Variants in CNTNAP2 observed in about 807,000 individuals in gnomAD.
The protein encoded by CNTNAP2 is contactin associated protein 2.
Under a neutral mutation model 155.2 loss-of-function variants are expected in CNTNAP2, and 98 were observed. The ratio of observed to expected loss-of-function variants is 0.63; its 90% CI spans 0.54 to 0.75. The LOEUF (loss-of-function observed/expected upper bound fraction) is 0.75, where lower values mean the gene tolerates loss of function less well. Ranked by LOEUF, CNTNAP2 falls within the 30% of genes least tolerant of loss-of-function variation. The pLI is 0.00. For synonymous variants in CNTNAP2, 651 were observed against 631.2 expected (o/e 1.03, Z -0.47); for missense variants, 1,727 against 1,688.1 (o/e 1.02, Z -0.40).
chr7:147,978,038 T>C, intron 15 of CNTNAP2, 49 bp downstream of exon 15: 9 of 1,611,050 alleles, frequency 5.6e-6, no homozygotes, highest in African/African-American at 1.3e-5. Context: ...CCCATTTAAA[T>C]ATTGTTTCCA....
intron 1 of CNTNAP2, among the ~76,000 whole-genome samples, chr7:146,680,528 C>G (rs1800483547): frequency 6.6e-6 from 1 of 152,134 alleles, no homozygotes; most frequent in Non-Finnish European, 1.5e-5. Context: ...TTGCCTCATT[C>G]TCTCCTTATT....
At chr7:146,833,800 C>T (rs532376349) in intron 2 of CNTNAP2, among the ~76,000 whole-genome samples, 592 of 152,278 alleles carry the variant, frequency 3.9e-3, no homozygotes, top group Non-Finnish European at 6.8e-3. Flanking sequence ...TCCCCAGATC[C>T]GGACTCTGTC....
intron 2 of CNTNAP2, among the ~76,000 whole-genome samples, chr7:146,800,210 T>C (rs1802849437): frequency 1.3e-5 from 2 of 152,100 alleles, no homozygotes. Context: ...AAAGGGACTT[T>C]TTTACTGAAG....
At chr7:147,167,499 C>A in intron 8 of CNTNAP2, 1 of 878,796 alleles carries the variant, frequency 1.1e-6, no homozygotes, top group Non-Finnish European at 1.8e-6. Context: ...TGCCATGGAC[C>A]CAGCTTTGAC....
intron 1 of CNTNAP2, among the ~76,000 whole-genome samples, chr7:146,143,450 G>A (rs986566861): frequency 2.0e-5 from 3 of 151,954 alleles, no homozygotes; most frequent in African/African-American, 7.2e-5. Flanking sequence ...AAATTACGCT[G>A]TCTCATTTGA....
intron 8 of CNTNAP2, among the ~76,000 whole-genome samples, chr7:147,218,821 T>C (rs1803331187): frequency 6.6e-6 from 1 of 152,172 alleles, no homozygotes; most frequent in African/African-American, 2.4e-5. Context: ...GATAGAGGGG[T>C]GTTAAAGTCT....
intron 1 of CNTNAP2, among the ~76,000 whole-genome samples, chr7:146,239,122 A>ACCC (rs2116925002): frequency 6.6e-6 from 1 of 152,292 alleles, no homozygotes; most frequent in African/African-American, 2.4e-5. Context: ...AAACTCACAG[A>ACCC]ATTGTGAGTA....
intron 20 of CNTNAP2, among the ~76,000 whole-genome samples, chr7:148,262,010 T>C (rs1009969039): frequency 6.6e-6 from 1 of 152,186 alleles, no homozygotes; most frequent in Admixed American, 6.5e-5. Flanking sequence ...GAGCTTATAT[T>C]GAAGGGTGCA....
chr7:146,301,736 G>T (rs1260470475), intron 1 of CNTNAP2, among the ~76,000 whole-genome samples: 1 of 152,074 alleles, frequency 6.6e-6, no homozygotes, highest in East Asian at 1.9e-4. Flanking sequence ...CCAAATAAAT[G>T]CACATGTACA....
At chr7:146,224,632 G>A (rs889201822) in intron 1 of CNTNAP2, among the ~76,000 whole-genome samples, 1 of 151,928 alleles carries the variant, frequency 6.6e-6, no homozygotes, top group Non-Finnish European at 1.5e-5. Flanking sequence ...AGCCGGGCTT[G>A]GTGGTGGGCG....
chr7:147,386,076 A>G (rs1328541603), intron 9 of CNTNAP2, among the ~76,000 whole-genome samples: 1 of 152,158 alleles, frequency 6.6e-6, no homozygotes, highest in Non-Finnish European at 1.5e-5. Context: ...TCCAAGCTGT[A>G]TCTTGCCCCC....
intron 1 of CNTNAP2, among the ~76,000 whole-genome samples, chr7:146,174,263 C>A (rs1225283296): frequency 6.6e-6 from 1 of 151,372 alleles, no homozygotes; most frequent in East Asian, 2.0e-4. Flanking sequence ...ATACCGAATA[C>A]CCATAATAAG....
At chr7:146,406,827 G>A (rs570455776) in intron 1 of CNTNAP2, among the ~76,000 whole-genome samples, 70 of 152,298 alleles carry the variant, frequency 4.6e-4, no homozygotes, top group African/African-American at 1.6e-3. Context: ...GAAGGGTCAT[G>A]GCTACACATG....
intron 8 of CNTNAP2, among the ~76,000 whole-genome samples, chr7:147,136,762 T>A (rs1371661887): frequency 6.6e-6 from 1 of 152,002 alleles, no homozygotes; most frequent in Non-Finnish European, 1.5e-5. Flanking sequence ...ACTTGCCCCA[T>A]GAGACATCCT....
intron 21 of CNTNAP2, among the ~76,000 whole-genome samples, chr7:148,346,325 T>G (rs1798325504): frequency 6.6e-6 from 1 of 152,214 alleles, no homozygotes; most frequent in Admixed American, 6.5e-5. Flanking sequence ...AAAATTAGAT[T>G]TAGTTTCTTT....
chr7:147,667,603 A>G (rs926723353), intron 13 of CNTNAP2, among the ~76,000 whole-genome samples: 6 of 152,122 alleles, frequency 3.9e-5, no homozygotes, highest in Non-Finnish European at 5.9e-5. Context: ...GGAGAATAAC[A>G]TACCTTTCAG....
chr7:146,247,288 T>G (rs1406772571), intron 1 of CNTNAP2, among the ~76,000 whole-genome samples: 1 of 152,094 alleles, frequency 6.6e-6, no homozygotes, highest in Non-Finnish European at 1.5e-5. Flanking sequence ...AGCCACCTTT[T>G]TAAGAGTAAA....
At chr7:147,265,391 T>C (rs1804583925) in intron 8 of CNTNAP2, among the ~76,000 whole-genome samples, 2 of 152,058 alleles carry the variant, frequency 1.3e-5, no homozygotes, top group Non-Finnish European at 2.9e-5. Context: ...CTGTGGAAGA[T>C]CGTGGCCCAA....
intron 8 of CNTNAP2, among the ~76,000 whole-genome samples, chr7:147,134,832 C>G (rs1477488558): frequency 6.6e-6 from 1 of 151,824 alleles, no homozygotes; most frequent in Non-Finnish European, 1.5e-5. Context: ...TCAGCATGAG[C>G]ATTGAAGAAT....
Sources: allele counts gnomAD v4.1 joint callset (sites outside exome capture counted in the v4.1 genomes callset), GRCh38; gene constraint gnomAD v4.1.1; transcripts MANE v1.5; gene names NCBI Gene and HGNC (gene_info 2026-07-23, HGNC 2026-07-21).